The following IRAG2 variants were observed in gnomAD, a reference collection of about 807,000 sequenced individuals.
The protein encoded by IRAG2 is lymphoid restricted membrane protein.
A neutral mutation model predicts 69.9 loss-of-function variants in IRAG2; 45 were observed. The observed-to-expected ratio is 0.64, with a 90% CI of 0.51 to 0.83. IRAG2 has a LOEUF of 0.83. IRAG2 is among the 40% of genes least tolerant of loss of function. The pLI, the probability that IRAG2 is intolerant of heterozygous loss-of-function variation, is 0.00. For missense variants in IRAG2, 520 were observed against 587.0 expected (o/e 0.89, Z 1.18); for synonymous variants, 193 against 202.4 (o/e 0.95, Z 0.40).
chr12:25,057,538 C>A (rs749676872), intron 1 of IRAG2, among the ~76,000 whole-genome samples: 11 of 152,160 alleles, frequency 7.2e-5, no homozygotes, highest in Non-Finnish European at 1.6e-4. Context: ...GGATTACAGG[C>A]ATGAGCCACT....
intron 14 of IRAG2, chr12:25,036,575 C>CT (rs764138173): frequency 7.5e-6 from 3 of 398,652 alleles, no homozygotes; most frequent in East Asian, 7.1e-5. Context: ...ATGTGGAACT[C>CT]TTTTTTCAGC....
chr12:25,012,170 T>C (rs988096063), intron 3 of IRAG2, among the ~76,000 whole-genome samples: 69 of 136,588 alleles, frequency 5.1e-4, no homozygotes, highest in African/African-American at 1.1e-3. Context: ...TTTTTTTTTT[T>C]CTGAGACGGA....
rs1947942518 is a variant in IRAG2, at chr12:25,090,204, A to G, written c.606+7A>G. 6.2e-7 allele frequency: 1 copy of G among 1,612,734 alleles called. No homozygotes were observed. The highest frequency in any genetic ancestry group is 1.3e-5 in the African/African-American group (1 of 75,006). ...CTGTTTAAAACTATTAGAGGTGAGA[A>G]TCAGAACATTTGGGATATAAACATT... On this transcript the variant is annotated splice_region_variant and intron_variant, in intron 14 of 21. Transcript: ENST00000556887.
intron 16 of IRAG2, among the ~76,000 whole-genome samples, chr12:25,042,785 A>G (rs368666951): frequency 2.0e-5 from 3 of 152,128 alleles, no homozygotes; most frequent in East Asian, 3.9e-4. Flanking sequence ...ATTTTTAAAA[A>G]GCTATTTCTA....
At chr12:25,074,292 T>G (rs1344421501) in intron 6 of IRAG2, among the ~76,000 whole-genome samples, 1 of 152,216 alleles carries the variant, frequency 6.6e-6, no homozygotes, top group Non-Finnish European at 1.5e-5. Context: ...TGCCTCTCAA[T>G]GCCTTGTTTC....
At chr12:25,070,555 G>A (rs951045884) in intron 6 of IRAG2, among the ~76,000 whole-genome samples, 1 of 152,194 alleles carries the variant, frequency 6.6e-6, no homozygotes, top group Non-Finnish European at 1.5e-5. Context: ...ATGGGCATTT[G>A]AGTTGTTTTT....
At chr12:25,064,716 G>A (rs2139992875) in intron 4 of IRAG2, among the ~76,000 whole-genome samples, 1 of 152,284 alleles carries the variant, frequency 6.6e-6, no homozygotes, top group African/African-American at 2.4e-5. Context: ...TTTGTGTCAG[G>A]CAGTATAAAT....
chr12:25,094,521 A>C (rs1057257187), intron 14 of IRAG2, among the ~76,000 whole-genome samples: 1 of 152,028 alleles, frequency 6.6e-6, no homozygotes, highest in Non-Finnish European at 1.5e-5. Flanking sequence ...GAGTCCTCCT[A>C]CTTTTTCAAA....
At chr12:25,033,996 G>A (rs1364556581) in intron 13 of IRAG2, 3 of 398,518 alleles carry the variant, frequency 7.5e-6, no homozygotes, top group African/African-American at 4.1e-5. Flanking sequence ...ACTACCCCAT[G>A]TGATAGCTTA....
intron 14 of IRAG2, chr12:25,093,517 GT>G (rs1381789215): frequency 1.3e-5 from 2 of 152,934 alleles, no homozygotes; most frequent in Non-Finnish European, 2.9e-5. Flanking sequence ...CTGAGTTTGA[GT>G]TTTCTTCCTG....
intron 8 of IRAG2, chr12:25,023,974 C>T (rs1340522219): frequency 5.0e-6 from 5 of 1,000,618 alleles, no homozygotes; most frequent in Middle Eastern, 3.6e-4. Flanking sequence ...ATCATATCAT[C>T]GTGGTTTATG....
At chr12:25,047,549 G>C (rs1944804908), upstream of IRAG2, among the ~76,000 whole-genome samples, 2 of 152,110 alleles carry the variant, frequency 1.3e-5, no homozygotes, top group Non-Finnish European at 2.9e-5. Context: ...TTGCTGCACA[G>C]ATCAACCCAT....
chr12:25,076,041 G>T (rs73284729), intron 6 of IRAG2, among the ~76,000 whole-genome samples: 2,010 of 151,722 alleles, frequency 0.013, 47 homozygotes, highest in African/African-American at 0.045. Flanking sequence ...TTCATCTCCA[G>T]CTTTCATGAA....
chr12:25,036,878 T>C (rs1485553795), intron 15 of IRAG2, among the ~76,000 whole-genome samples: 1 of 151,942 alleles, frequency 6.6e-6, no homozygotes, highest in East Asian at 1.9e-4. Flanking sequence ...AGAGAGTGAG[T>C]GTGCAGATAT....
chr12:25,076,433 G>T (rs1408470200), intron 6 of IRAG2: 1 of 982,148 alleles, frequency 1.0e-6, no homozygotes. Flanking sequence ...GGGCAAATGA[G>T]ACTGATATGT....
intron 6 of IRAG2, among the ~76,000 whole-genome samples, chr12:25,071,269 C>A (rs1946319657): frequency 6.6e-6 from 1 of 151,932 alleles, no homozygotes; most frequent in Non-Finnish European, 1.5e-5. Flanking sequence ...TTGCTTGAGC[C>A]CAGGAGGCAG....
At chr12:25,030,773 C>T (rs1488815439) in intron 10 of IRAG2, among the ~76,000 whole-genome samples, 2 of 152,204 alleles carry the variant, frequency 1.3e-5, no homozygotes, top group Non-Finnish European at 1.5e-5. Context: ...TCTCTAAATT[C>T]TGGTGGTGTT....
chr12:25,085,354 G>A (rs1947508156), intron 10 of IRAG2, among the ~76,000 whole-genome samples: 1 of 152,012 alleles, frequency 6.6e-6, no homozygotes, highest in Non-Finnish European at 1.5e-5. Context: ...GTATGGAATG[G>A]GAAGGGGGTA....
Position 25,004,465 on chromosome 12 carries a change from C to T in IRAG2, c.124C>T (p.Gln42Ter), listed in dbSNP as rs1054426983. The change falls in exon 1 of 39, where the codon CAA becomes TAA. Residue 42 changes from glutamine (Q) to a stop codon, truncating the protein, a stop_gained. Transcript: ENST00000636465. LOFTEE classifies it high-confidence loss of function. ...TCCAATTCAGCAGATTATCAAATAC[C>T]AATCTAGCAGTTTTGATAGCCCACA... 1.6e-6 allele frequency: 2 copies of T among 1,232,026 alleles called. No individual in the cohort carries two copies. The highest frequency in any genetic ancestry group is 1.0e-6 in the Non-Finnish European group (1 of 987,930). 76.3% of individuals were successfully genotyped at this position (1,232,026 alleles called of 1,614,324 possible). A position where few individuals can be genotyped will look rare whatever the true frequency, so the allele number is the denominator to read the frequency against.
Sources: allele counts gnomAD v4.1 joint callset (sites outside exome capture counted in the v4.1 genomes callset), GRCh38; gene constraint gnomAD v4.1.1; transcripts MANE v1.5; gene names NCBI Gene and HGNC (gene_info 2026-07-23, HGNC 2026-07-21).